The following ARSL variants were observed in gnomAD, a reference collection of about 807,000 sequenced individuals.
The protein encoded by ARSL is arylsulfatase E (chondrodysplasia punctata 1).
ARSL carries 4 observed loss-of-function variants against 31.1 expected under a neutral mutation model. That is an observed-to-expected ratio of 0.13 (90% CI 0.06 to 0.29). The LOEUF (loss-of-function observed/expected upper bound fraction) is 0.29. Ranked by LOEUF, ARSL falls within the 10% of genes least tolerant of loss-of-function variation. ARSL has a pLI of 1.00. For synonymous variants in ARSL, 198 were observed against 209.9 expected (o/e 0.94, Z 0.49); for missense variants, 312 against 497.8 (o/e 0.63, Z 3.55).
intron 7 of ARSL, among the ~76,000 whole-genome samples, chrX:2,944,922 C>G (rs1327740916): frequency 9.8e-6 from 1 of 102,080 alleles, no homozygotes; most frequent in Non-Finnish European, 2.0e-5. Context: ...AGAAAGAAGA[C>G]AGAAAGAAGA....
chrX:2,940,331 CA>C (rs1226452967), intron 8 of ARSL, among the ~76,000 whole-genome samples: 1 of 110,966 alleles, frequency 9.0e-6, no homozygotes, highest in Non-Finnish European at 1.9e-5. Flanking sequence ...TGCATGATTT[CA>C]TTTACATAAA....
chrX:2,937,386 T>C (rs2089217469), intron 9 of ARSL, among the ~76,000 whole-genome samples: 1 of 97,846 alleles, frequency 1.0e-5, no homozygotes, highest in Admixed American at 1.1e-4. Context: ...TGAGTGAGAC[T>C]CAGTCTCAAA....
rs1164820801 is a variant in ARSL, at chrX:2,949,477, G to T, written c.681C>A (p.Val227=). 8.3e-7 allele frequency: 1 copy of T among 1,211,504 alleles called. No individual in the cohort carries two copies. The highest frequency in any genetic ancestry group is 1.8e-5 in the South Asian group (1 of 56,934). ...THLIPVSWMP[V]IWSALSAVLL... ...GGACGGCCGAAAGGGCTGACCAGAT[G>T]ACCGGCATCCACGAGACGGGTATCA... Residue 227 remains valine, a synonymous_variant, in exon 6 of 11, where the codon GTC becomes GTA. Transcript: ENST00000381134.
At chrX:2,944,312 G>A (rs2089332734) in intron 7 of ARSL, among the ~76,000 whole-genome samples, 1 of 109,225 alleles carries the variant, frequency 9.2e-6, no homozygotes, top group African/African-American at 3.3e-5. Context: ...AAATTAGCCA[G>A]GCATGGTGGC....
At chrX:2,947,301 C>G (rs1324748358) in intron 6 of ARSL, among the ~76,000 whole-genome samples, 2 of 112,513 alleles carry the variant, frequency 1.8e-5, no homozygotes, top group Non-Finnish European at 3.8e-5. Context: ...CTGTAGGTTA[C>G]TGACATGACT....
chrX:2,941,252 T>TC (rs2089277627), intron 8 of ARSL, among the ~76,000 whole-genome samples: 1 of 31,940 alleles, frequency 3.1e-5, no homozygotes, highest in African/African-American at 5.7e-5. Context: ...ACAATCTTTT[T>TC]TTTTTTTTTT....
chrX:2,935,521 G>A (rs1391402491), intron 10 of ARSL, among the ~76,000 whole-genome samples: 1 of 111,643 alleles, frequency 9.0e-6, no homozygotes, highest in African/African-American at 3.3e-5. Flanking sequence ...TGGTTTCCAG[G>A]GTCTGCAGGG....
chrX:2,960,264 G>C (rs1286384143), intron 2 of ARSL, 114 bp downstream of exon 2: 1 of 191,500 alleles, frequency 5.2e-6, no homozygotes, highest in Admixed American at 1.2e-4. Flanking sequence ...GTGAGACTCC[G>C]TCTCAAAAAA....
At chrX:2,939,332 C>T (rs1239090831) in intron 8 of ARSL, among the ~76,000 whole-genome samples, 5 of 112,061 alleles carry the variant, frequency 4.5e-5, no homozygotes, top group Non-Finnish European at 9.4e-5. Flanking sequence ...GAGCTTCTGG[C>T]GGGAACATTT....
intron 6 of ARSL, among the ~76,000 whole-genome samples, chrX:2,947,474 G>C (rs139766403): frequency 1.3e-3 from 151 of 112,306 alleles, no homozygotes; most frequent in African/African-American, 4.6e-3. Context: ...AGGCATATTG[G>C]GTTATTCATA....
chrX:2,960,944 C>T (rs902891822), intron 1 of ARSL, among the ~76,000 whole-genome samples: 2 of 111,013 alleles, frequency 1.8e-5, no homozygotes, highest in Non-Finnish European at 3.8e-5. Context: ...AGAGGCTGCG[C>T]GTGGTGGCTC....
At chrX:2,954,452 C>T (rs769121504) in intron 4 of ARSL, among the ~76,000 whole-genome samples, 3 of 111,040 alleles carry the variant, frequency 2.7e-5, no homozygotes, top group Non-Finnish European at 5.7e-5. Flanking sequence ...CTCATCATCA[C>T]GCCCAGCTAA....
At chrX:2,936,037 TAAAG>T (rs1164685422) in intron 10 of ARSL, among the ~76,000 whole-genome samples, 1 of 110,825 alleles carries the variant, frequency 9.0e-6, no homozygotes, top group Non-Finnish European at 1.9e-5. Flanking sequence ...TTCAACTTAA[TAAAG>T]AAAAATTGGA....
rs181891155 is a variant in ARSL at position 2,960,030 on chromosome X, G to T, written c.23+348C>A. 2.1e-3 allele frequency: 430 copies of T among 206,433 alleles called. 1 individual carries two copies. The highest frequency in any genetic ancestry group is 0.011 in the African/African-American group (374 of 33,298). 17.0% of individuals were successfully genotyped at this position (206,433 alleles called of 1,213,427 possible). ...CACGCCTGTAATCCCAGCACTTTGG[G>T]AGGCCGAGGCGGGCGGATCACGAGG... On this transcript the variant is annotated intron_variant, in intron 2 of 10. Transcript: ENST00000381134.
At chrX:2,959,731 T>TATCA (rs2089577796) in intron 2 of ARSL, 2 of 1,135,660 alleles carry the variant, frequency 1.8e-6, no homozygotes, top group Non-Finnish European at 2.3e-6. Flanking sequence ...GATAAATCAC[T>TATCA]ATCAGTGCAT....
At chrX:2,959,180 G>C (rs895353821) in intron 2 of ARSL, among the ~76,000 whole-genome samples, 3 of 111,487 alleles carry the variant, frequency 2.7e-5, no homozygotes, top group Admixed American at 9.6e-5. Flanking sequence ...GCAAGGAAGA[G>C]ACACAAGCTT....
Position 2,964,265 on chromosome X carries a change from G to A in ARSL, c.-62C>T. On this transcript the variant is annotated 5_prime_UTR_variant, in exon 1 of 11. Coordinates refer to ENST00000381134, the MANE Select transcript of ARSL (RefSeq NM_000047.3). ...CTTCCTGAATCCCCGATCAAGAAGA[G>A]GAAGGTTCTCTCCCAAAGGAAGCAA... 1 of 754,300 alleles carries A rather than the reference G, an allele frequency of 1.3e-6. No homozygotes were observed. Among genetic ancestry groups the A allele is most frequent in the Non-Finnish European group, 1.6e-6 (1 of 639,385 alleles). 62.2% of individuals were successfully genotyped at this position (754,300 alleles called of 1,213,427 possible).
chrX:2,951,614 CA>C (rs1164575386), intron 5 of ARSL, among the ~76,000 whole-genome samples: 535 of 28,876 alleles, frequency 0.019, 4 homozygotes, highest in East Asian at 0.062. Flanking sequence ...CCCATCTCTA[CA>C]AAAAAAAAAA....
At chrX:2,960,703 C>G (rs2089615263) in intron 1 of ARSL, among the ~76,000 whole-genome samples, 2 of 111,462 alleles carry the variant, frequency 1.8e-5, no homozygotes, top group Middle Eastern at 4.6e-3. Context: ...TCTCCATCCC[C>G]TTTATCAGCT....
Sources: allele counts gnomAD v4.1 joint callset (sites outside exome capture counted in the v4.1 genomes callset), GRCh38; gene constraint gnomAD v4.1.1; transcripts MANE v1.5; gene names NCBI Gene and HGNC (gene_info 2026-07-23, HGNC 2026-07-21).